Variants in ZFHX4 observed in about 807,000 individuals in gnomAD.
ZFHX4 encodes the protein zinc finger homeobox 4, also known as zinc finger homeobox protein 4.
ZFHX4 carries 56 observed loss-of-function variants against 267.6 expected under a neutral mutation model. The observed-to-expected ratio is 0.21, with a 90% CI of 0.17 to 0.26. The LOEUF is 0.26. Among genes scored for constraint, ZFHX4 ranks in the 10% least tolerant of loss-of-function variants. The pLI, the probability that ZFHX4 is intolerant of heterozygous loss-of-function variation, is 1.00. For synonymous variants in ZFHX4, 1,778 were observed against 1,665.6 expected, an observed-to-expected ratio of 1.07 and a Z score of -1.64; for missense variants, 4,332 against 4,420.0, an observed-to-expected ratio of 0.98 and a Z score of 0.56.
At chr8:76,774,945 T>C (rs968064139) in intron 3 of ZFHX4, among the ~76,000 whole-genome samples, 1 of 152,204 alleles carries the variant, frequency 6.6e-6, no homozygotes, top group Admixed American at 6.5e-5. Context: ...CAGCTAATTT[T>C]ATCTGGAAAC....
chr8:76,714,043 T>G (rs918493745), intron 3 of ZFHX4, among the ~76,000 whole-genome samples: 2 of 152,152 alleles, frequency 1.3e-5, no homozygotes, highest in African/African-American at 4.8e-5. Flanking sequence ...TTTGTGTAAC[T>G]TGTGTTCATT....
rs1812638937 is a variant in ZFHX4, at chr8:76,854,248, A to C, written c.7327A>C (p.Thr2443Pro). 1 of 1,571,726 alleles carries C rather than the reference A, an allele frequency of 6.4e-7. No individual in the cohort carries two copies. Among genetic ancestry groups the C allele is most frequent in the Non-Finnish European group, 8.6e-7 (1 of 1,158,724 alleles). Residue 2443 changes from threonine to proline, a missense_variant, in exon 10 of 11, where the codon ACA becomes CCA. Coordinates refer to ENST00000651372, the MANE Select transcript of ZFHX4 (RefSeq NM_024721.5). ...TTCCTCGGACCCACCACAGGCATCC[A>C]CAGCCCAGCCACAGCCACAGCCACA... ...STSSDPPQAS[T>P]AQPQPQPQPP...
chr8:76,747,595 G>A (rs981994874), intron 3 of ZFHX4, among the ~76,000 whole-genome samples: 2 of 152,116 alleles, frequency 1.3e-5, no homozygotes, highest in Non-Finnish European at 2.9e-5. Context: ...TATGAGTTTA[G>A]TATTTAGCGT....
intron 3 of ZFHX4, among the ~76,000 whole-genome samples, chr8:76,762,724 C>T (rs1328837933): frequency 1.3e-5 from 2 of 152,174 alleles, no homozygotes; most frequent in Non-Finnish European, 2.9e-5. Flanking sequence ...AGAAAAGATA[C>T]AGTCAATCTT....
At chr8:76,741,224 A>G (rs890028459) in intron 3 of ZFHX4, among the ~76,000 whole-genome samples, 2 of 152,210 alleles carry the variant, frequency 1.3e-5, no homozygotes, top group Non-Finnish European at 2.9e-5. Flanking sequence ...GTGAATTCCA[A>G]AAGTGGAATA....
At chr8:76,839,972 G>T (rs1170658681) in intron 5 of ZFHX4, among the ~76,000 whole-genome samples, 2 of 152,086 alleles carry the variant, frequency 1.3e-5, no homozygotes, top group Non-Finnish European at 2.9e-5. Flanking sequence ...AACCCTCTTT[G>T]AGAATAAAAG....
rs561713434 is a variant in ZFHX4 at position 76,859,433 on chromosome 8, C to T, written c.9379+3133C>T. The stretch of plus-strand genomic sequence containing the variant: ...AGGGAAAATGGCCATAGAATATCAA[C>T]GTATGTTTATATACCTGGAAAAATT... On this transcript the variant is annotated intron_variant, in intron 10 of 10. Coordinates refer to ENST00000651372, the MANE Select transcript of ZFHX4 (RefSeq NM_024721.5). 1.9e-4 allele frequency among the ~76,000 whole-genome samples: 29 copies of T among 152,088 alleles called. No individual in the cohort carries two copies. In the South Asian group the frequency reaches 2.5e-3, roughly 13 times the overall value.
intron 3 of ZFHX4, among the ~76,000 whole-genome samples, chr8:76,730,701 AAAAT>A (rs1170447571): frequency 1.3e-5 from 2 of 152,080 alleles, no homozygotes; most frequent in African/African-American, 2.4e-5. Flanking sequence ...TCCATCTGAA[AAAAT>A]AAATAAATAA....
intron 3 of ZFHX4, among the ~76,000 whole-genome samples, chr8:76,739,837 C>A (rs144538798): frequency 0.02 from 2,972 of 152,162 alleles, 34 homozygotes; most frequent in Non-Finnish European, 0.029. Flanking sequence ...TAGGTCCCAG[C>A]CTTTGAGAAG....
chr8:76,848,496 A>G (rs893647917), intron 6 of ZFHX4, among the ~76,000 whole-genome samples: 7 of 152,162 alleles, frequency 4.6e-5, no homozygotes, highest in African/African-American at 1.7e-4. Flanking sequence ...TAATTTTACA[A>G]TCCTTTCCGT....
chr8:76,842,134 A>G (rs976203460), intron 5 of ZFHX4, among the ~76,000 whole-genome samples: 2 of 152,096 alleles, frequency 1.3e-5, no homozygotes, highest in African/African-American at 2.4e-5. Context: ...AAAATCCCCA[A>G]TGTAACTGAA....
At chr8:76,850,203 T>G (rs16939378) in intron 8 of ZFHX4, 42 bp from the exon 9 acceptor site, 56,960 of 1,467,682 alleles carry the variant, frequency 0.039, 1,783 homozygotes, top group East Asian at 0.16. Context: ...GAATTTGTGA[T>G]TTCTGGGGTA....
At chr8:76,771,277 T>C (rs1195245348) in intron 3 of ZFHX4, among the ~76,000 whole-genome samples, 7 of 152,196 alleles carry the variant, frequency 4.6e-5, no homozygotes, top group Non-Finnish European at 1.0e-4. Context: ...GAGTGTTATA[T>C]TTCTTCCCTT....
chr8:76,776,006 C>T (rs1406740276), intron 3 of ZFHX4, among the ~76,000 whole-genome samples: 1 of 149,982 alleles, frequency 6.7e-6, no homozygotes, highest in Non-Finnish European at 1.5e-5. Context: ...TGACAAGAAA[C>T]GAGGTTCTGT....
chr8:76,701,083 T>G (rs765118606), intron 1 of ZFHX4, among the ~76,000 whole-genome samples: 7 of 152,190 alleles, frequency 4.6e-5, no homozygotes, highest in Admixed American at 6.5e-5. Flanking sequence ...GTGAAATCAC[T>G]TAGCATCATA....
intron 4 of ZFHX4, among the ~76,000 whole-genome samples, chr8:76,808,966 C>G (rs1395842315): frequency 6.0e-5 from 9 of 151,200 alleles, no homozygotes; most frequent in African/African-American, 2.2e-4. Context: ...CACACCACAC[C>G]TTATTTTCCT....
chr8:76,713,387 A>C (rs970681057), intron 3 of ZFHX4, among the ~76,000 whole-genome samples: 19 of 152,330 alleles, frequency 1.2e-4, no homozygotes, highest in African/African-American at 4.1e-4. Flanking sequence ...AACTTACTAC[A>C]TCCATGTCAG....
intron 4 of ZFHX4, among the ~76,000 whole-genome samples, chr8:76,779,953 A>G (rs1453060464): frequency 1.3e-5 from 2 of 152,094 alleles, no homozygotes. Context: ...GGATAAGAAT[A>G]TTTTTGCTAA....
chr8:76,863,811 C>A lies in ZFHX4; in HGVS notation c.10097C>A (p.Thr3366Lys), dbSNP rs1487265488. The A allele has an allele frequency of 2.6e-6, 4 of 1,552,294 alleles. No homozygotes were observed. Among genetic ancestry groups the A allele is most frequent in the East Asian group, 2.4e-5 (1 of 40,936 alleles). The change falls in exon 11 of 11, where the codon ACA becomes AAA. Residue 3366 changes from threonine (T) to lysine (K), a missense_variant. By Grantham distance (78) the Thr-to-Lys change is moderately conservative. Transcript: ENST00000651372. ...CAAAACTCCAACGATGCTTCAGAAA[C>A]AAAGGAAGACAAAAGTACTGCTACA... ...QPQNSNDASE[T>K]KEDKSTATES...
Sources: allele counts gnomAD v4.1 joint callset (sites outside exome capture counted in the v4.1 genomes callset), GRCh38; gene constraint gnomAD v4.1.1; transcripts MANE v1.5; gene names NCBI Gene and HGNC (gene_info 2026-07-23, HGNC 2026-07-21).